ANKS1B: variants seen among roughly 807,000 people sequenced by gnomAD.
ANKS1B encodes the protein ankyrin repeat and sterile alpha motif domain containing 1B.
In ANKS1B, 36 loss-of-function variants were observed where a neutral mutation model predicts 148.3. The observed-to-expected ratio is 0.24, with a 90% confidence interval of 0.19 to 0.32. ANKS1B has a LOEUF of 0.32. Ranked by LOEUF, ANKS1B falls within the 10% of genes least tolerant of loss-of-function variation. The pLI is 1.00. For missense variants in ANKS1B, 1,157 were observed against 1,542.6 expected, an observed-to-expected ratio of 0.75 and a Z score of 4.19; for synonymous variants, 542 against 560.8, an observed-to-expected ratio of 0.97 and a Z score of 0.47.
chr12:98,894,888 GC>G, intron 17 of ANKS1B: 3 of 963,588 alleles, frequency 3.1e-6, no homozygotes, highest in South Asian at 9.6e-5. Flanking sequence ...CCGCGCGCGC[GC>G]CCCCCACTGC....
At chr12:99,326,150 T>A (rs2086262408) in intron 12 of ANKS1B, among the ~76,000 whole-genome samples, 1 of 151,898 alleles carries the variant, frequency 6.6e-6, no homozygotes. Context: ...CCAAGACACA[T>A]GGGGATTATG....
intron 12 of ANKS1B, among the ~76,000 whole-genome samples, chr12:99,305,607 A>G (rs2082231647): frequency 6.6e-6 from 1 of 152,142 alleles, no homozygotes; most frequent in Non-Finnish European, 1.5e-5. Context: ...CTGGAAATAC[A>G]AATATAACAA....
At chr12:99,412,505 C>G (rs1263938751) in intron 11 of ANKS1B, among the ~76,000 whole-genome samples, 1 of 152,218 alleles carries the variant, frequency 6.6e-6, no homozygotes, top group East Asian at 1.9e-4. Context: ...GTCAAATCCA[C>G]TCATTGTTCC....
intron 9 of ANKS1B, among the ~76,000 whole-genome samples, chr12:99,511,443 T>C (rs1331367021): frequency 6.6e-6 from 1 of 152,116 alleles, no homozygotes; most frequent in African/African-American, 2.4e-5. Flanking sequence ...AAACATTCCA[T>C]GCTCACAGAT....
At chr12:99,163,241 C>T (rs76820211) in intron 14 of ANKS1B, among the ~76,000 whole-genome samples, 11,291 of 152,016 alleles carry the variant, frequency 0.074, 973 homozygotes, top group African/African-American at 0.21. Flanking sequence ...ATATCTTTGC[C>T]TGATATACAT....
intron 9 of ANKS1B, among the ~76,000 whole-genome samples, chr12:99,593,625 G>A (rs937239753): frequency 6.6e-5 from 10 of 152,034 alleles, no homozygotes; most frequent in Middle Eastern, 3.4e-3. Flanking sequence ...TAAAACAATC[G>A]AAGCGATAAA....
chr12:99,653,605 ATTTT>A (rs574997376), intron 9 of ANKS1B, among the ~76,000 whole-genome samples: 1 of 146,552 alleles, frequency 6.8e-6, no homozygotes, highest in Non-Finnish European at 1.5e-5. Flanking sequence ...CATTCCAATT[ATTTT>A]TTTTTGTTTT....
chr12:99,114,436 G>A (rs959962690), intron 15 of ANKS1B, among the ~76,000 whole-genome samples: 8 of 152,140 alleles, frequency 5.3e-5, no homozygotes, highest in Admixed American at 5.2e-4. Flanking sequence ...TCTGACAGAA[G>A]TCTAATATAC....
intron 17 of ANKS1B, among the ~76,000 whole-genome samples, chr12:98,902,240 T>C (rs1567685889): frequency 1.3e-5 from 2 of 152,224 alleles, no homozygotes; most frequent in Non-Finnish European, 2.9e-5. Context: ...GAGCCACAGC[T>C]AAGATTTTTG....
chr12:99,559,839 C>T (rs776281275), intron 9 of ANKS1B, among the ~76,000 whole-genome samples: 11 of 152,036 alleles, frequency 7.2e-5, no homozygotes, highest in Non-Finnish European at 1.3e-4. Flanking sequence ...ATATAAAAAT[C>T]ATATAGAGGA....
chr12:99,781,179 T>A (rs1346345875), intron 5 of ANKS1B, among the ~76,000 whole-genome samples: 1 of 152,150 alleles, frequency 6.6e-6, no homozygotes, highest in Non-Finnish European at 1.5e-5. Context: ...CATATTAATA[T>A]TTAGGTGGTT....
rs901545403 is a variant in ANKS1B, at chr12:98,824,400, C to T, written c.3066+4774G>A. ...AACCACCGGAGCACTTGCCCTTCAA[C>T]TCTCTTTGTCATTAATTGGCCTACA... is the stretch of plus-strand genomic sequence containing the variant. On this transcript the variant is annotated intron_variant, in intron 19 of 26. Coordinates refer to ENST00000683438, the MANE Select transcript of ANKS1B (RefSeq NM_001352186.2). 3.3e-5 allele frequency among the ~76,000 whole-genome samples: 5 copies of T among 152,340 alleles called. 1 individual carries two copies. The highest frequency in any genetic ancestry group is 1.9e-4 in the East Asian group (1 of 5,192).
chr12:99,269,503 GATT>G (rs1284531892), intron 12 of ANKS1B, among the ~76,000 whole-genome samples: 1 of 121,810 alleles, frequency 8.2e-6, no homozygotes, highest in Non-Finnish European at 1.7e-5. Context: ...GAAATAAGCA[GATT>G]TTTTTTTTTT....
chr12:99,842,206 T>A (rs2085857669), intron 1 of ANKS1B, among the ~76,000 whole-genome samples: 1 of 152,182 alleles, frequency 6.6e-6, no homozygotes, highest in Non-Finnish European at 1.5e-5. Flanking sequence ...GTGTCCTTTT[T>A]ACTCTGAAAA....
intron 17 of ANKS1B, among the ~76,000 whole-genome samples, chr12:98,926,207 T>C (rs1016642714): frequency 1.3e-5 from 2 of 152,156 alleles, no homozygotes; most frequent in African/African-American, 2.4e-5. Context: ...TACACACACA[T>C]AGTCCTTTGG....
chr12:99,915,844 A>G (rs2094154902), intron 1 of ANKS1B, among the ~76,000 whole-genome samples: 1 of 152,192 alleles, frequency 6.6e-6, no homozygotes. Flanking sequence ...AATCTGTTCC[A>G]TGACTCTCTC....
intron 8 of ANKS1B, among the ~76,000 whole-genome samples, chr12:99,689,361 G>A (rs576254040): frequency 1.3e-5 from 2 of 152,286 alleles, no homozygotes; most frequent in East Asian, 3.9e-4. Context: ...ATCAAATAAT[G>A]CAAAGAAGAA....
intron 17 of ANKS1B, among the ~76,000 whole-genome samples, chr12:98,935,923 G>A (rs2099818202): frequency 6.6e-6 from 1 of 152,134 alleles, no homozygotes; most frequent in Non-Finnish European, 1.5e-5. Flanking sequence ...ATAAATGGTA[G>A]CTATTATTGT....
chr12:99,273,256 G>A (rs1018986387), intron 12 of ANKS1B, among the ~76,000 whole-genome samples: 9 of 152,144 alleles, frequency 5.9e-5, no homozygotes, highest in African/African-American at 2.2e-4. Context: ...AAGCTCAGGG[G>A]CCCAAAGGTC....
Sources: allele counts gnomAD v4.1 joint callset (sites outside exome capture counted in the v4.1 genomes callset), GRCh38; gene constraint gnomAD v4.1.1; transcripts MANE v1.5; gene names NCBI Gene and HGNC (gene_info 2026-07-23, HGNC 2026-07-21).